The following STAG1 variants were observed in gnomAD, a reference collection of about 807,000 sequenced individuals.
STAG1 encodes STAG1 cohesin complex component, also known as cohesin subunit SA-1.
Under a neutral mutation model 170.9 loss-of-function variants are expected in STAG1, and 26 were observed. The ratio of observed to expected loss-of-function variants is 0.15; its 90% CI spans 0.11 to 0.21. The LOEUF (loss-of-function observed/expected upper bound fraction) is 0.21, where lower values mean the gene tolerates loss of function less well. Ranked by LOEUF, STAG1 falls within the 10% of genes least tolerant of loss-of-function variation. The pLI, the probability that STAG1 is intolerant of heterozygous loss-of-function variation, is 1.00. For synonymous variants in STAG1, 514 were observed against 497.7 expected (o/e 1.03, Z -0.44); for missense variants, 964 against 1,509.5 (o/e 0.64, Z 5.99).
intron 9 of STAG1, among the ~76,000 whole-genome samples, chr3:136,484,231 T>G (rs2089952126): frequency 6.6e-6 from 1 of 152,018 alleles, no homozygotes; most frequent in Non-Finnish European, 1.5e-5. Context: ...TGGTCTTTGA[T>G]GATGGTGATG....
chr3:136,720,198 T>C (rs1396018518), intron 1 of STAG1, among the ~76,000 whole-genome samples: 8 of 151,072 alleles, frequency 5.3e-5, no homozygotes, highest in African/African-American at 1.9e-4. Flanking sequence ...AAAAAAAATC[T>C]TAAGTGAACA....
At chr3:136,688,744 A>G (rs185814140) in intron 1 of STAG1, among the ~76,000 whole-genome samples, 4 of 152,332 alleles carry the variant, frequency 2.6e-5, no homozygotes, top group Admixed American at 2.0e-4. Context: ...ATACTGGAGT[A>G]TATCTCCTTT....
chr3:136,517,412 A>C (rs993018646), intron 7 of STAG1, among the ~76,000 whole-genome samples: 4 of 152,178 alleles, frequency 2.6e-5, no homozygotes, highest in Non-Finnish European at 5.9e-5. Flanking sequence ...CAAAATATTA[A>C]AACGTTAACC....
intron 5 of STAG1, among the ~76,000 whole-genome samples, chr3:136,543,450 A>C (rs1935999681): frequency 6.6e-6 from 1 of 152,178 alleles, no homozygotes; most frequent in Non-Finnish European, 1.5e-5. Flanking sequence ...AAAAGACGGA[A>C]TATAAGGCTG....
intron 16 of STAG1, among the ~76,000 whole-genome samples, chr3:136,425,776 T>G (rs971212497): frequency 6.7e-6 from 1 of 149,960 alleles, no homozygotes; most frequent in Admixed American, 6.7e-5. Flanking sequence ...AGAAGATATG[T>G]GAAAAGTGCA....
intron 12 of STAG1, among the ~76,000 whole-genome samples, chr3:136,466,151 G>C (rs1214762255): frequency 6.6e-6 from 1 of 152,190 alleles, no homozygotes; most frequent in African/African-American, 2.4e-5. Flanking sequence ...AAGCTGGACG[G>C]AGAATGACTT....
intron 9 of STAG1, among the ~76,000 whole-genome samples, chr3:136,489,545 A>G (rs2090080914): frequency 6.6e-6 from 1 of 152,198 alleles, no homozygotes; most frequent in African/African-American, 2.4e-5. Context: ...CTCCACAGGG[A>G]GAAATAATTA....
At chr3:136,688,300 G>A (rs1942605932) in intron 1 of STAG1, among the ~76,000 whole-genome samples, 1 of 152,250 alleles carries the variant, frequency 6.6e-6, no homozygotes. Context: ...GTCTTCTCCA[G>A]TAGACAAAGT....
chr3:136,421,260 A>G, intron 19 of STAG1, 97 bp from the exon 20 acceptor site: 1 of 641,348 alleles, frequency 1.6e-6, no homozygotes, highest in Non-Finnish European at 2.5e-6. Context: ...AATTATATTA[A>G]TAGTATATAT....
chr3:136,513,493 C>A (rs1001699951), intron 7 of STAG1, among the ~76,000 whole-genome samples: 5 of 152,028 alleles, frequency 3.3e-5, no homozygotes, highest in Non-Finnish European at 5.9e-5. Flanking sequence ...AACACTGTAT[C>A]ATCACAAAAT....
At chr3:136,516,128 C>T (rs1172753701) in intron 7 of STAG1, among the ~76,000 whole-genome samples, 1 of 152,054 alleles carries the variant, frequency 6.6e-6, no homozygotes, top group Non-Finnish European at 1.5e-5. Flanking sequence ...ACATCTTAAC[C>T]ATAGAAACCA....
At chr3:136,374,604 C>T (rs1272733314) in intron 23 of STAG1, among the ~76,000 whole-genome samples, 5 of 147,300 alleles carry the variant, frequency 3.4e-5, no homozygotes. Flanking sequence ...GCAACAAGAG[C>T]AAAACTCCGT....
chr3:136,702,137 GACAGAGAGAC>G (rs1943099074), intron 1 of STAG1, among the ~76,000 whole-genome samples: 2 of 100,562 alleles, frequency 2.0e-5, no homozygotes, highest in African/African-American at 1.3e-4. Context: ...GAGACAGAGA[GACAGAGAGAC>G]AGAGAGACAG....
At chr3:136,340,713 T>G in intron 31 of STAG1, 108 bp from the exon 32 acceptor site, 1 of 699,718 alleles carries the variant, frequency 1.4e-6, no homozygotes, top group Middle Eastern at 2.4e-4. Context: ...TACCTTCTAA[T>G]CATGACCTAC....
chr3:136,635,224 A>T (rs1378727953), intron 1 of STAG1, among the ~76,000 whole-genome samples: 2 of 152,238 alleles, frequency 1.3e-5, no homozygotes, highest in African/African-American at 4.8e-5. Flanking sequence ...CCTCAACAGA[A>T]ACATCAGCAA....
intron 1 of STAG1, among the ~76,000 whole-genome samples, chr3:136,675,723 C>A (rs947581613): frequency 6.6e-6 from 1 of 152,086 alleles, no homozygotes; most frequent in East Asian, 1.9e-4. Context: ...CACCCCTACT[C>A]CCTGACAATC....
rs554056167 is a variant in STAG1, at chr3:136,453,241, C to CA, written c.1314-1095dup. Among the ~76,000 whole-genome samples the CA allele has an allele frequency of 3.4e-3, 506 of 149,396 alleles. 1 individual carries two copies. Among genetic ancestry groups the CA allele is most frequent in the Non-Finnish European group, 5.1e-3 (343 of 67,272 alleles). ...TAGTAACAAAACATCTGAAATATGGCAAAAAAAAAGATTTGAAATTTTTAA... is the reference window on the plus strand; with the variant it reads ...TAGTAACAAAACATCTGAAATATGGCAAAAAAAAAAGATTTGAAATTTTTAA... On this transcript the variant is annotated intron_variant, in intron 13 of 33. Coordinates refer to ENST00000383202, the MANE Select transcript of STAG1 (RefSeq NM_005862.3).
At chr3:136,627,106 G>A (rs988587396) in intron 2 of STAG1, among the ~76,000 whole-genome samples, 6 of 152,186 alleles carry the variant, frequency 3.9e-5, no homozygotes, top group African/African-American at 1.4e-4. Context: ...CCTACCAAGA[G>A]TCAGAAAAGT....
chr3:136,536,920 G>A (rs1935662754), intron 6 of STAG1, among the ~76,000 whole-genome samples: 1 of 152,064 alleles, frequency 6.6e-6, no homozygotes, highest in Non-Finnish European at 1.5e-5. Context: ...ACTTAACAGT[G>A]CTTGCATCCA....
Sources: gnomAD v4.1 joint callset for allele counts (sites outside exome capture counted in the v4.1 genomes callset) on GRCh38, gnomAD v4.1.1 for gene constraint, MANE v1.5 for transcripts, NCBI Gene and HGNC (gene_info 2026-07-23, HGNC 2026-07-21) for gene names.